The following C8orf88 variants were observed in gnomAD, a reference collection of about 807,000 sequenced individuals.
C8orf88 encodes the protein uncharacterized protein C8orf88.
In C8orf88, 14 loss-of-function variants were observed where a neutral mutation model predicts 18.4. The observed-to-expected ratio is 0.76, with a 90% CI of 0.50 to 1.19. C8orf88 has a LOEUF of 1.19. Among genes scored for constraint, C8orf88 ranks in the 50% most tolerant of loss-of-function variants. The pLI is 0.00. For synonymous variants in C8orf88, 45 were observed against 42.9 expected (o/e 1.05, Z -0.19); for missense variants, 116 against 134.7 (o/e 0.86, Z 0.69).
At chr8:90,970,785 G>C (rs1185264150) in intron 4 of C8orf88, among the ~76,000 whole-genome samples, 4 of 151,902 alleles carry the variant, frequency 2.6e-5, no homozygotes, top group Non-Finnish European at 4.4e-5. Context: ...ACAGAACAGT[G>C]GGAAAATAGA....
chr8:90,978,897 CATA>C (rs964172133), intron 2 of C8orf88, among the ~76,000 whole-genome samples: 6 of 152,104 alleles, frequency 3.9e-5, no homozygotes, highest in Non-Finnish European at 7.3e-5. Flanking sequence ...CAAGTTCATA[CATA>C]ATGATTATAA....
At chr8:90,978,296 C>G (rs183239703) in intron 3 of C8orf88, among the ~76,000 whole-genome samples, 2 of 152,126 alleles carry the variant, frequency 1.3e-5, no homozygotes, top group East Asian at 3.9e-4. Flanking sequence ...GGATAGTTAT[C>G]CATGGGCAGG....
chr8:90,964,176 C>G lies in C8orf88; in HGVS notation c.224-3328G>C, dbSNP rs143943984. 1.7e-3 allele frequency among the ~76,000 whole-genome samples: 260 copies of G among 151,644 alleles called. 1 individual carries two copies. Among genetic ancestry groups the G allele is most frequent in the African/African-American group, 5.6e-3 (233 of 41,460 alleles). On this transcript the variant is annotated intron_variant, in intron 4 of 5. Transcript: ENST00000517562. ...TGGGTTTATTGGGAAGTAATCCCACCATAAATTAAGGAGCATCTATCTGTA... is the reference window on the plus strand; with the variant it reads ...TGGGTTTATTGGGAAGTAATCCCACGATAAATTAAGGAGCATCTATCTGTA...
chr8:90,982,738 G>C (rs1395625500), intron 1 of C8orf88, among the ~76,000 whole-genome samples: 2 of 152,042 alleles, frequency 1.3e-5, no homozygotes, highest in African/African-American at 4.8e-5. Flanking sequence ...TAGAAAAGAT[G>C]GTGTCATTCA....
rs1811212157 is a variant in C8orf88 at position 90,967,116 on chromosome 8, C to T, written c.223+3950G>A. Among the ~76,000 whole-genome samples, 7 of 151,760 alleles carry T rather than the reference C, an allele frequency of 4.6e-5. No individual in the cohort carries two copies. In the South Asian group the frequency reaches 1.0e-3, roughly 23 times the overall value. ...AAAAAGAAACAGTGAAAGTGGGCAC[C>T]CTTATCTTGTTCTTGATGGCGTGTT... On this transcript the variant is annotated intron_variant, in intron 4 of 5. Coordinates refer to ENST00000517562, the MANE Select transcript of C8orf88 (RefSeq NM_001190972.2).
chr8:90,961,089 G>T (rs1586159009), intron 4 of C8orf88, among the ~76,000 whole-genome samples: 1 of 151,284 alleles, frequency 6.6e-6, no homozygotes, highest in Admixed American at 6.6e-5. Context: ...AAGAAAATGG[G>T]AAATGCATGG....
At chr8:90,981,958 C>G (rs953200612) in intron 1 of C8orf88, among the ~76,000 whole-genome samples, 1 of 152,062 alleles carries the variant, frequency 6.6e-6, no homozygotes, top group South Asian at 2.1e-4. Flanking sequence ...GAGTTAGTAA[C>G]CCTTTAAGTT....
intron 1 of C8orf88, among the ~76,000 whole-genome samples, chr8:90,984,572 A>AT (rs140002018): frequency 0.039 from 5,911 of 150,362 alleles, 312 homozygotes; most frequent in African/African-American, 0.12. Context: ...AACTAATTTA[A>AT]TTTTTTTTTT....
intron 1 of C8orf88, among the ~76,000 whole-genome samples, chr8:90,983,012 CA>C (rs1811455176): frequency 6.6e-6 from 1 of 151,990 alleles, no homozygotes; most frequent in Non-Finnish European, 1.5e-5. Context: ...AGTCATTATA[CA>C]AAACAAATTC....
intron 4 of C8orf88, among the ~76,000 whole-genome samples, chr8:90,967,537 T>A (rs1157463851): frequency 6.6e-6 from 1 of 151,818 alleles, no homozygotes; most frequent in African/African-American, 2.4e-5. Flanking sequence ...TGAGAAGCAA[T>A]CTAGTCCTGA....
intron 4 of C8orf88, among the ~76,000 whole-genome samples, chr8:90,962,270 C>T (rs1811137932): frequency 6.6e-6 from 1 of 151,574 alleles, no homozygotes; most frequent in South Asian, 2.1e-4. Context: ...TCAAAGAATT[C>T]ACCAACCCAA....
intron 4 of C8orf88, among the ~76,000 whole-genome samples, chr8:90,968,184 T>C (rs1586161651): frequency 1.3e-5 from 2 of 151,652 alleles, no homozygotes; most frequent in Admixed American, 1.3e-4. Flanking sequence ...TACAAAGCTA[T>C]AGTAATCAAA....
At chr8:90,978,321 C>T (rs1211206625) in intron 3 of C8orf88, among the ~76,000 whole-genome samples, 2 of 151,930 alleles carry the variant, frequency 1.3e-5, no homozygotes, top group African/African-American at 4.8e-5. Flanking sequence ...GAAGGAAATA[C>T]GATGGTAGAA....
intron 3 of C8orf88, among the ~76,000 whole-genome samples, chr8:90,977,193 C>T (rs1467542167): frequency 6.6e-6 from 1 of 152,126 alleles, no homozygotes; most frequent in Non-Finnish European, 1.5e-5. Context: ...TGCTCTACTT[C>T]ACAAGTAATA....
intron 5 of C8orf88, among the ~76,000 whole-genome samples, chr8:90,960,255 C>T (rs1428269884): frequency 6.6e-6 from 1 of 151,402 alleles, no homozygotes; most frequent in African/African-American, 2.4e-5. Flanking sequence ...AAGAAAAATA[C>T]ATGAGATGAT....
intron 4 of C8orf88, among the ~76,000 whole-genome samples, chr8:90,970,306 A>T (rs1811265147): frequency 6.6e-6 from 1 of 152,024 alleles, no homozygotes; most frequent in African/African-American, 2.4e-5. Context: ...GTTTTCAAAA[A>T]TTAAGAAATT....
intron 3 of C8orf88, among the ~76,000 whole-genome samples, chr8:90,977,897 A>C (rs1173944703): frequency 6.6e-6 from 1 of 152,166 alleles, no homozygotes; most frequent in Non-Finnish European, 1.5e-5. Context: ...CAGTGAGTCG[A>C]GATGGTGCCA....
chr8:90,978,540 T>C (rs1442207351), intron 3 of C8orf88, 39 bp downstream of exon 3: 10 of 1,289,330 alleles, frequency 7.8e-6, no homozygotes, highest in Middle Eastern at 1.9e-4. Flanking sequence ...TACTTTCCAA[T>C]CTATAATATT....
intron 1 of C8orf88, among the ~76,000 whole-genome samples, chr8:90,981,547 A>G (rs1404849932): frequency 6.6e-6 from 1 of 152,130 alleles, no homozygotes; most frequent in Non-Finnish European, 1.5e-5. Context: ...AAATAATAAT[A>G]ACAATAATAA....
Sources: gnomAD v4.1 joint callset for allele counts (sites outside exome capture counted in the v4.1 genomes callset) on GRCh38, gnomAD v4.1.1 for gene constraint, MANE v1.5 for transcripts, NCBI Gene and HGNC (gene_info 2026-07-23, HGNC 2026-07-21) for gene names.